The following PTER variants were observed in gnomAD, a reference collection of about 807,000 sequenced individuals.
The protein encoded by PTER is N-acetyltaurine hydrolase.
Under a neutral mutation model 29.6 loss-of-function variants are expected in PTER, and 38 were observed. That is an observed-to-expected ratio of 1.28 (90% CI 0.99 to 1.68). PTER has a LOEUF of 1.68. Among genes scored for constraint, PTER ranks in the 40% most tolerant of loss-of-function variants. PTER has a pLI of 0.00. For synonymous variants in PTER, 172 were observed against 154.5 expected, an observed-to-expected ratio of 1.11 and a Z score of -0.84; for missense variants, 482 against 427.8, an observed-to-expected ratio of 1.13 and a Z score of -1.12.
At chr10:16,494,910 TA>T (rs1161545519) in intron 3 of PTER, among the ~76,000 whole-genome samples, 1 of 152,132 alleles carries the variant, frequency 6.6e-6, no homozygotes, top group Non-Finnish European at 1.5e-5. Context: ...AAAATTATGT[TA>T]ATATCAAATT....
downstream of PTER, chr10:16,514,857 T>A: frequency 1.6e-6 from 1 of 625,764 alleles, no homozygotes; most frequent in Non-Finnish European, 2.8e-6. Flanking sequence ...TTTATGAGGA[T>A]AGTGCTGTGG....
intron 1 of PTER, among the ~76,000 whole-genome samples, chr10:16,448,504 CCTT>C (rs879811099): frequency 2.6e-5 from 4 of 152,186 alleles, no homozygotes; most frequent in Non-Finnish European, 4.4e-5. Context: ...AGCGACTTGT[CCTT>C]CATCTTAAAA....
intron 1 of PTER, among the ~76,000 whole-genome samples, chr10:16,443,562 A>G (rs1833915761): frequency 6.6e-6 from 1 of 152,242 alleles, no homozygotes; most frequent in Non-Finnish European, 1.5e-5. Flanking sequence ...ACTTCTTTTT[A>G]ACTAACATTA....
At chr10:16,516,988 A>C (rs1836962132), downstream of PTER, among the ~76,000 whole-genome samples, 1 of 152,094 alleles carries the variant, frequency 6.6e-6, no homozygotes, top group Non-Finnish European at 1.5e-5. Context: ...ACCTGATCCT[A>C]CTCTAAAGAT....
intron 1 of PTER, among the ~76,000 whole-genome samples, chr10:16,445,925 C>T (rs796201214): frequency 4.6e-5 from 7 of 152,210 alleles, no homozygotes; most frequent in East Asian, 1.9e-4. Flanking sequence ...CTGTGAGTCT[C>T]GCTCACATTT....
downstream of PTER, among the ~76,000 whole-genome samples, chr10:16,516,245 A>C (rs1383965636): frequency 1.3e-5 from 2 of 152,170 alleles, no homozygotes; most frequent in African/African-American, 2.4e-5. Context: ...ACTCCAATAT[A>C]TATGCCAATT....
intron 1 of PTER, among the ~76,000 whole-genome samples, chr10:16,464,496 G>A (rs1054767132): frequency 6.6e-6 from 1 of 152,108 alleles, no homozygotes; most frequent in African/African-American, 2.4e-5. Context: ...CTCGTCTCCT[G>A]GTCTCTGGTT....
At chr10:16,508,820 G>A (rs1379309390) in intron 4 of PTER, among the ~76,000 whole-genome samples, 1 of 152,014 alleles carries the variant, frequency 6.6e-6, no homozygotes, top group Non-Finnish European at 1.5e-5. Flanking sequence ...TGCCCTTTTG[G>A]GTTGCGTGTG....
chr10:16,462,516 G>A lies in PTER; in HGVS notation c.-48-21821G>A, dbSNP rs561564681. On this transcript the variant is annotated intron_variant, in intron 1 of 4. Coordinates refer to ENST00000535784, the MANE Select transcript of PTER (RefSeq NM_001261836.2). ...GTTAAGACTTGTTGTGAGTTTTCTC[G>A]TCTTTGCAATTTTTCCAGCCCTGCG... is the stretch of plus-strand genomic sequence containing the variant. 6.0e-5 allele frequency among the ~76,000 whole-genome samples: 9 copies of A among 150,436 alleles called. No individual in the cohort carries two copies. The South Asian group carries it at 6.3e-4, about 11-fold the overall frequency.
intron 1 of PTER, among the ~76,000 whole-genome samples, chr10:16,483,515 A>G (rs1198783390): frequency 6.6e-6 from 1 of 152,148 alleles, no homozygotes; most frequent in Non-Finnish European, 1.5e-5. Flanking sequence ...TGGACCTTCA[A>G]CAGAAATTTG....
chr10:16,446,216 CA>C (rs1342475589), intron 1 of PTER, among the ~76,000 whole-genome samples: 8 of 143,912 alleles, frequency 5.6e-5, no homozygotes, highest in African/African-American at 1.8e-4. Flanking sequence ...ACCCCACCCC[CA>C]ACATTTTTTT....
intron 1 of PTER, among the ~76,000 whole-genome samples, chr10:16,454,905 A>G (rs1834339977): frequency 6.6e-6 from 1 of 152,188 alleles, no homozygotes; most frequent in African/African-American, 2.4e-5. Context: ...ATATTAATGC[A>G]TAATGAAAAC....
chr10:16,481,256 G>T (rs150988616), intron 1 of PTER, among the ~76,000 whole-genome samples: 19 of 152,350 alleles, frequency 1.2e-4, no homozygotes, highest in African/African-American at 4.3e-4. Flanking sequence ...AATGCCAGAA[G>T]CCTGCTTTGT....
chr10:16,517,966 C>T (rs1166912124), downstream of PTER, among the ~76,000 whole-genome samples: 1 of 151,670 alleles, frequency 6.6e-6, no homozygotes, highest in Admixed American at 6.6e-5. Flanking sequence ...GGTTACAGTC[C>T]AGAAGCATTT....
chr10:16,490,128 C>T (rs1256996310), intron 3 of PTER, among the ~76,000 whole-genome samples: 1 of 152,162 alleles, frequency 6.6e-6, no homozygotes, highest in Non-Finnish European at 1.5e-5. Flanking sequence ...TGCTCAGAAC[C>T]CTTACATTAG....
downstream of PTER, chr10:16,514,149 A>T (rs1836910749): frequency 2.5e-6 from 1 of 398,730 alleles, no homozygotes; most frequent in Non-Finnish European, 4.4e-6. Context: ...GTAAACTCAC[A>T]AGAACCAAAG....
At position 16,466,488 on chromosome 10, in the gene PTER, T is replaced by A. The variant is rs560245890; in HGVS notation, c.-48-17849T>A. On this transcript the variant is annotated intron_variant, in intron 1 of 4. Transcript: ENST00000535784. ...CTCATGACTCAGCCTCCCAAGTAAC[T>A]GGGATTACAGGCATGGGCCACCACG... 1.4e-4 allele frequency among the ~76,000 whole-genome samples: 22 copies of A among 152,292 alleles called. 1 individual carries two copies. The highest frequency in any genetic ancestry group is 1.4e-3 in the Admixed American group (22 of 15,288).
chr10:16,447,807 T>G (rs1834070890), intron 1 of PTER, among the ~76,000 whole-genome samples: 1 of 152,276 alleles, frequency 6.6e-6, no homozygotes, highest in African/African-American at 2.4e-5. Flanking sequence ...CTCTGTCAAC[T>G]GATCATAGGG....
Position 16,513,526 on chromosome 10 carries a change from T to C in PTER, c.*2270T>C, listed in dbSNP as rs2133533730. On this transcript the variant is annotated 3_prime_UTR_variant, in exon 5 of 5. Transcript: ENST00000535784. ...ATAAAATATAAACACTCTGTTGTCATATAGGCTATATGCGAAATTGTTAAT... is the reference window on the plus strand; with the variant it reads ...ATAAAATATAAACACTCTGTTGTCACATAGGCTATATGCGAAATTGTTAAT... 6.6e-6 allele frequency: 1 copy of C among 152,648 alleles called. No homozygotes were observed. Among genetic ancestry groups the C allele is most frequent in the Non-Finnish European group, 1.5e-5 (1 of 67,950 alleles). The allele number at this position is 152,648 out of a possible 1,614,324, so 9.5% of individuals were successfully genotyped here.
Sources: gnomAD v4.1 joint callset for allele counts (sites outside exome capture counted in the v4.1 genomes callset) on GRCh38, gnomAD v4.1.1 for gene constraint, MANE v1.5 for transcripts, NCBI Gene and HGNC (gene_info 2026-07-23, HGNC 2026-07-21) for gene names.